EPG5: variants seen among roughly 807,000 people sequenced by gnomAD.
The protein encoded by EPG5 is ectopic P-granules 5 autophagy tethering factor.
A neutral mutation model predicts 302.7 loss-of-function variants in EPG5; 159 were observed. That is an observed-to-expected ratio of 0.53 (90% CI 0.46 to 0.60). The LOEUF (loss-of-function observed/expected upper bound fraction) is 0.60, where lower values mean the gene tolerates loss of function less well. Ranked by LOEUF, EPG5 falls within the 20% of genes least tolerant of loss-of-function variation. The pLI is 0.00. For missense variants in EPG5, 2,896 were observed against 3,092.4 expected (o/e 0.94, Z 1.51); for synonymous variants, 1,158 against 1,136.8 (o/e 1.02, Z -0.37).
At chr18:45,907,827 T>C (rs1193013698) in intron 24 of EPG5, 131 bp downstream of exon 24, 9 of 887,710 alleles carry the variant, frequency 1.0e-5, no homozygotes, top group South Asian at 5.9e-5. Context: ...GACAAAACCA[T>C]AGAAACAATG....
chr18:45,949,545 A>C lies in EPG5; in HGVS notation c.1436T>G (p.Leu479Arg). The change falls in exon 5 of 44, where the codon CTT becomes CGT. Residue 479 changes from leucine to arginine, a missense_variant. Transcript: ENST00000282041. ...GGGGCATCGAAGAATATGGTTTAGA[A>C]GGAAGAGGTGATCTCCAGGACAGCC... ...RVGCPGDHLF[L>R]LNHILRCPAG... The C allele has an allele frequency of 6.2e-7, 1 of 1,613,526 alleles. No homozygotes were observed. Among genetic ancestry groups the C allele is most frequent in the South Asian group, 1.1e-5 (1 of 91,026 alleles).
chr18:45,941,517 G>A (rs1022842128), intron 9 of EPG5, among the ~76,000 whole-genome samples: 32 of 152,196 alleles, frequency 2.1e-4, no homozygotes, highest in African/African-American at 5.8e-4. Context: ...TAGAAGGTAT[G>A]AGAAGAATCT....
chr18:45,912,536 G>GA (rs1395837483), intron 21 of EPG5, 80 bp from the exon 22 acceptor site: 11 of 1,303,696 alleles, frequency 8.4e-6, no homozygotes, highest in Non-Finnish European at 1.2e-5. Flanking sequence ...TGATCCAACT[G>GA]AAACACCAAA....
Position 45,955,192 on chromosome 18 carries a change from A to G in EPG5, c.210T>C (p.Asp70=). The G allele has an allele frequency of 6.2e-7, 1 of 1,614,176 alleles. No homozygotes were observed. The highest frequency in any genetic ancestry group is 8.5e-7 in the Non-Finnish European group (1 of 1,180,040). Residue 70 remains aspartate (D), a synonymous_variant, in exon 2 of 44, where the codon GAT becomes GAC. Coordinates refer to ENST00000282041, the MANE Select transcript of EPG5 (RefSeq NM_020964.3). ...CACTCTCATTTTGTCCACTGGCATCATCCTGGAGCTGGGAATCAGTTACCA... is the reference window on the plus strand; with the variant it reads ...CACTCTCATTTTGTCCACTGGCATCGTCCTGGAGCTGGGAATCAGTTACCA... The part of the protein sequence containing the change: ...LKVVTDSQLQ[D]DASGQNESEM...
At chr18:45,835,055 A>G in the EPG5 span, among the ~76,000 whole-genome samples, 1 of 152,236 alleles carries the variant, frequency 6.6e-6, no homozygotes, top group South Asian at 2.1e-4. Flanking sequence ...ACTCGGGTTC[A>G]AAAATGTAAT....
intron 35 of EPG5, among the ~76,000 whole-genome samples, chr18:45,873,417 G>A (rs1363793714): frequency 6.6e-6 from 1 of 152,058 alleles, no homozygotes; most frequent in Non-Finnish European, 1.5e-5. Context: ...GACTGAGGCA[G>A]GAGAATCGCC....
chr18:45,928,954 A>G lies in EPG5; in HGVS notation c.2468T>C (p.Leu823Pro). The G allele has an allele frequency of 6.2e-7, 1 of 1,614,008 alleles. No individual in the cohort carries two copies. Among genetic ancestry groups the G allele is most frequent in the Non-Finnish European group, 8.5e-7 (1 of 1,179,898 alleles). The change falls in exon 13 of 44, where the codon CTT becomes CCT. Residue 823 changes from leucine to proline, a missense_variant. By Grantham distance (98) the Leu-to-Pro change is moderately conservative (BLOSUM62 -3). Transcript: ENST00000282041. ...GTGAACAGCTGTGATAGTCCCTAAA[A>G]GCTCTCGACCAACCTTTGAAAAAGT... ...RETFSKVGRE[L>P]LGTITAVHPE...
intron 23 of EPG5, among the ~76,000 whole-genome samples, chr18:45,909,356 A>G (rs1415706734): frequency 6.6e-6 from 1 of 152,198 alleles, no homozygotes; most frequent in Non-Finnish European, 1.5e-5. Flanking sequence ...AAAGCCGTCC[A>G]CTGGTTAAGG....
At chr18:45,937,769 T>C (rs1392597340) in intron 10 of EPG5, among the ~76,000 whole-genome samples, 2 of 152,186 alleles carry the variant, frequency 1.3e-5, no homozygotes, top group South Asian at 2.1e-4. Flanking sequence ...GTTGAAGGGA[T>C]AGCTATTGCC....
In EPG5 at chr18:45,903,359, C is replaced by T. The variant is rs1029553399; in HGVS notation, c.4474+614G>A. ...CCAGCACCATTTTACAGATGAATGG[C>T]GTGAAGTCCAGAGAAGTTCTTATTT... On this transcript the variant is annotated intron_variant, in intron 25 of 43. Transcript: ENST00000282041. Among the ~76,000 whole-genome samples the T allele has an allele frequency of 7.2e-5, 11 of 152,080 alleles. No homozygotes were observed. In the East Asian group the frequency reaches 7.7e-4, roughly 11 times the overall value.
intron 27 of EPG5, among the ~76,000 whole-genome samples, chr18:45,892,221 C>G (rs910280311): frequency 6.6e-6 from 1 of 152,134 alleles, no homozygotes; most frequent in Admixed American, 6.5e-5. Flanking sequence ...AAAAACATCC[C>G]CAAATTATTA....
chr18:45,869,827 G>T (rs1298752347), intron 36 of EPG5, among the ~76,000 whole-genome samples: 1 of 151,694 alleles, frequency 6.6e-6, no homozygotes, highest in Non-Finnish European at 1.5e-5. Flanking sequence ...AGCACTTAAG[G>T]TGTCTCAACA....
At chr18:45,965,932 A>G (rs1389602989) in intron 1 of EPG5, among the ~76,000 whole-genome samples, 1 of 151,954 alleles carries the variant, frequency 6.6e-6, no homozygotes, top group Admixed American at 6.6e-5. Flanking sequence ...GCATGCCTGT[A>G]ATCCCAGTTA....
chr18:45,876,629 A>G (rs1202870074), intron 34 of EPG5, among the ~76,000 whole-genome samples: 1 of 152,198 alleles, frequency 6.6e-6, no homozygotes, highest in Non-Finnish European at 1.5e-5. Context: ...CATCAAATTT[A>G]GACCCTTGGA....
the EPG5 span, among the ~76,000 whole-genome samples, chr18:45,816,294 A>C: frequency 6.6e-6 from 1 of 152,338 alleles, no homozygotes; most frequent in African/African-American, 2.4e-5. Flanking sequence ...CTTGGACTTA[A>C]TTAAACTAAA....
chr18:45,933,817 C>T (rs1241874130), intron 11 of EPG5, among the ~76,000 whole-genome samples: 1 of 151,806 alleles, frequency 6.6e-6, no homozygotes, highest in East Asian at 1.9e-4. Context: ...ACAGCCTTTA[C>T]TTCCTGCTGT....
chr18:45,872,520 A>G (rs1327330817), intron 35 of EPG5, among the ~76,000 whole-genome samples: 1 of 152,196 alleles, frequency 6.6e-6, no homozygotes, highest in Non-Finnish European at 1.5e-5. Flanking sequence ...CCTGGCCAAC[A>G]TGGTGAAACT....
Position 45,879,080 on chromosome 18 carries a change from A to G in EPG5, c.5802T>C (p.Leu1934=). 1 of 1,614,178 alleles carries G rather than the reference A, an allele frequency of 6.2e-7. No homozygotes were observed. The change falls in exon 33 of 44, where the codon CTT becomes CTC. Residue 1934 remains leucine (L), a synonymous_variant. Coordinates refer to ENST00000282041, the MANE Select transcript of EPG5 (RefSeq NM_020964.3). ...MADVKTFLGY[L]VKRLIDLEMT... is the part of the protein sequence containing the mutation. ...TTTCTAAGTCAATCAGCCTTTTCAC[A>G]AGGTAGCCCAAGAATGTCTTCACAT...
At chr18:45,916,282 C>A in intron 18 of EPG5, 76 bp from the exon 19 acceptor site, 1 of 1,516,808 alleles carries the variant, frequency 6.6e-7, no homozygotes, top group Non-Finnish European at 8.9e-7. Context: ...AAAATGCTAT[C>A]TACCTCCACT....
Sources: gnomAD v4.1 joint callset for allele counts (sites outside exome capture counted in the v4.1 genomes callset) on GRCh38, gnomAD v4.1.1 for gene constraint, MANE v1.5 for transcripts, NCBI Gene and HGNC (gene_info 2026-07-23, HGNC 2026-07-21) for gene names.